Variants in RORC observed in about 807,000 individuals in gnomAD.
RORC encodes the protein RAR related orphan receptor C, also known as nuclear receptor ROR-gamma.
Under a neutral mutation model 64.5 loss-of-function variants are expected in RORC, and 13 were observed. That is an observed-to-expected ratio of 0.20 (90% CI 0.13 to 0.32). The LOEUF (loss-of-function observed/expected upper bound fraction) is 0.32. Among genes scored for constraint, RORC ranks in the 10% least tolerant of loss-of-function variants. RORC has a pLI of 1.00. For missense variants in RORC, 468 were observed against 669.5 expected (o/e 0.70, Z 3.32); for synonymous variants, 277 against 259.3 (o/e 1.07, Z -0.65).
In RORC at chr1:151,815,157, G is replaced by A; in HGVS notation, c.567C>T (p.Asn189=). 1 of 1,614,046 alleles carries A rather than the reference G, an allele frequency of 6.2e-7. No individual in the cohort carries two copies. The highest frequency in any genetic ancestry group is 2.2e-5 in the East Asian group (1 of 44,890). Residue 189 remains asparagine, a synonymous_variant, in exon 5 of 11, where the codon AAC becomes AAT. Coordinates refer to ENST00000318247, the MANE Select transcript of RORC (RefSeq NM_005060.4). The stretch of plus-strand genomic sequence containing the variant: ...CCCCATTGAGCCCTGCCTTGGCCAA[G>A]TTGTTGGAATATGAGGGCCCAGAGC... ...ASGSGPSYSN[N]LAKAGLNGAS... is the part of the protein sequence containing the mutation.
At position 151,807,388 on chromosome 1, in the gene RORC, G is replaced by A. The variant is rs1264423106; in HGVS notation, c.*84C>T. The A allele has an allele frequency of 2.2e-5, 31 of 1,420,482 alleles. No individual in the cohort carries two copies. Among genetic ancestry groups the A allele is most frequent in the Non-Finnish European group, 1.9e-6 (2 of 1,032,744 alleles). 88.0% of individuals were successfully genotyped at this position (1,420,482 alleles called of 1,614,324 possible). On this transcript the variant is annotated 3_prime_UTR_variant, in exon 11 of 11. Coordinates refer to ENST00000318247, the MANE Select transcript of RORC (RefSeq NM_005060.4). This position sits in a 1 kb window ranked among gnomAD's most constrained non-coding sequence, Gnocchi z 5.0. ...GGGGACCACCCTCCAGGGTTCATGG[G>A]AAAGGAAAAGGGTGAGGGTGGAACG...
intron 2 of RORC, among the ~76,000 whole-genome samples, chr1:151,819,604 C>G (rs1651905968): frequency 6.6e-6 from 1 of 152,176 alleles, no homozygotes; most frequent in Non-Finnish European, 1.5e-5. Context: ...CGGGCTCTGG[C>G]CCAGCAGTCA....
intron 10 of RORC, among the ~76,000 whole-genome samples, chr1:151,810,184 CT>C (rs1230119066): frequency 6.6e-6 from 1 of 152,176 alleles, no homozygotes; most frequent in Non-Finnish European, 1.5e-5. Context: ...TCATACTCAT[CT>C]CATCCATTTT....
chr1:151,820,268 G>T (rs1651938285), intron 2 of RORC, among the ~76,000 whole-genome samples: 1 of 152,094 alleles, frequency 6.6e-6, no homozygotes, highest in African/African-American at 2.4e-5. Context: ...AAGGGGGCTG[G>T]TAGACTTGGG....
At chr1:151,822,655 T>C (rs1332880684) in intron 2 of RORC, among the ~76,000 whole-genome samples, 2 of 152,216 alleles carry the variant, frequency 1.3e-5, no homozygotes, top group Admixed American at 1.3e-4. Flanking sequence ...CATCAGCACC[T>C]TCCCTGCCTT....
chr1:151,813,470 C>T lies in RORC; in HGVS notation c.1066+18G>A, dbSNP rs1005154151. ...TCTGTCCCCTTGTCCCCAGGCCTGC[C>T]CACCCATCCCTGGGCACCTGCTTTG... On this transcript the variant is annotated intron_variant, in intron 7 of 10. Coordinates refer to ENST00000318247, the MANE Select transcript of RORC (RefSeq NM_005060.4). 16 of 1,613,838 alleles carry T rather than the reference C, an allele frequency of 9.9e-6. No individual in the cohort carries two copies. In the African/African-American group the frequency reaches 2.1e-4, roughly 22 times the overall value.
In RORC at chr1:151,813,230, G is replaced by A. The variant is rs1572036322; in HGVS notation, c.1174+9C>T. On this transcript the variant is annotated intron_variant, in intron 8 of 10. Transcript: ENST00000318247. ...AGAATCTTCCCTCTCATTTCTCCCT[G>A]CCCCTCACCCAAGGCTCGGAACAGC... 6.2e-7 allele frequency: 1 copy of A among 1,609,174 alleles called. No individual in the cohort carries two copies. Among genetic ancestry groups the A allele is most frequent in the Non-Finnish European group, 8.5e-7 (1 of 1,175,562 alleles).
At chr1:151,831,602 T>G (rs1652420827) in intron 1 of RORC, 123 bp downstream of exon 1, 1 of 1,587,514 alleles carries the variant, frequency 6.3e-7, no homozygotes, top group Admixed American at 1.7e-5. Context: ...CCCAGGGCTT[T>G]CTCCTCTGCA....
At chr1:151,816,521 G>A in intron 4 of RORC, 143 bp downstream of exon 4, 1 of 863,636 alleles carries the variant, frequency 1.2e-6, no homozygotes, top group Non-Finnish European at 1.7e-6. Flanking sequence ...GAGGGGAGGA[G>A]ACAAGGGGTT....
rs76521006 is a variant in RORC, at chr1:151,830,874, C to T, written c.40+851G>A. On this transcript the variant is annotated intron_variant, in intron 1 of 10. Coordinates refer to ENST00000318247, the MANE Select transcript of RORC (RefSeq NM_005060.4). This position sits in a 1 kb window ranked among gnomAD's most constrained non-coding sequence, Gnocchi z 4.0. ...CCCTGACGTGGCACCGGCTCCTGGC[C>T]TCTAGCCTTGCACCTCAGAGCAGTC... 4.4e-3 allele frequency: 5,338 copies of T among 1,207,668 alleles called. 204 individuals are homozygous for T. In the African/African-American group the frequency reaches 0.076, roughly 17 times the overall value. The allele number at this position is 1,207,668 out of a possible 1,614,324, so 74.8% of individuals were successfully genotyped here.
intron 2 of RORC, 80 bp downstream of exon 2, chr1:151,829,348 GT>G (rs1652319226): frequency 1.5e-6 from 2 of 1,355,054 alleles, no homozygotes; most frequent in Admixed American, 2.7e-5. Flanking sequence ...TCCAACCTCA[GT>G]CCCCCCACAG....
At chr1:151,825,985 G>T in intron 2 of RORC, 2 of 1,610,690 alleles carry the variant, frequency 1.2e-6, no homozygotes, top group Non-Finnish European at 8.5e-7. Flanking sequence ...TTCTCAGCAG[G>T]GGGTGGTCCA....
intron 6 of RORC, 66 bp from the exon 7 acceptor site, chr1:151,813,686 G>A (rs1469926391): frequency 1.3e-6 from 2 of 1,573,680 alleles, no homozygotes; most frequent in Non-Finnish European, 1.7e-6. Flanking sequence ...CTGAGCCCTG[G>A]AGCCCCACCT....
intron 10 of RORC, 121 bp downstream of exon 10, chr1:151,811,204 T>C (rs1017850390): frequency 1.2e-4 from 67 of 581,960 alleles, no homozygotes; most frequent in Admixed American, 5.8e-5. Context: ...GCAAGCTCTC[T>C]AACAGAGAGT....
At chr1:151,822,658 C>T (rs894915630) in intron 2 of RORC, among the ~76,000 whole-genome samples, 2 of 152,220 alleles carry the variant, frequency 1.3e-5, no homozygotes, top group Non-Finnish European at 2.9e-5. Context: ...CAGCACCTTC[C>T]CTGCCTTCAG....
intron 10 of RORC, among the ~76,000 whole-genome samples, chr1:151,810,606 A>G (rs910433010): frequency 1.4e-4 from 21 of 149,988 alleles, no homozygotes; most frequent in Admixed American, 1.2e-3. Context: ...ATCTTGGCTC[A>G]CTGCAACATC....
intron 5 of RORC, 81 bp downstream of exon 5, chr1:151,814,832 G>A (rs2101658341): frequency 6.4e-7 from 1 of 1,555,124 alleles, no homozygotes; most frequent in Admixed American, 1.8e-5. Flanking sequence ...ATTCCCTCAG[G>A]CGCATGTTTG....
At chr1:151,827,060 G>T (rs1652222858) in intron 2 of RORC, among the ~76,000 whole-genome samples, 1 of 152,254 alleles carries the variant, frequency 6.6e-6, no homozygotes, top group South Asian at 2.1e-4. Context: ...GGAGTTTGCA[G>T]TGAGCTGAGA....
rs562076545 is a variant in RORC at position 151,818,761 on chromosome 1, C to T, written c.71-1481G>A. Among the ~76,000 whole-genome samples, 9 of 152,336 alleles carry T rather than the reference C, an allele frequency of 5.9e-5. No homozygotes were observed. The East Asian group carries it at 9.6e-4, about 16-fold the overall frequency. ...CCCACCAAAGGGGCAAAAGAAGTGGCAGCCTCTCTGGAGGGCGAATGCACA... is the reference window on the plus strand; with the variant it reads ...CCCACCAAAGGGGCAAAAGAAGTGGTAGCCTCTCTGGAGGGCGAATGCACA... On this transcript the variant is annotated intron_variant, in intron 2 of 10. Transcript: ENST00000318247.
Sources: gnomAD v4.1 joint callset for allele counts (sites outside exome capture counted in the v4.1 genomes callset) on GRCh38, gnomAD v4.1.1 for gene constraint, Gnocchi (gnomAD v3.1) non-coding constraint, MANE v1.5 for transcripts, NCBI Gene and HGNC (gene_info 2026-07-23, HGNC 2026-07-21) for gene names.